The following ERC2 variants were observed in gnomAD, a reference collection of about 807,000 sequenced individuals.
ERC2 encodes ELKS/RAB6-interacting/CAST family member 2.
A neutral mutation model predicts 114.8 loss-of-function variants in ERC2; 42 were observed. That is an observed-to-expected ratio of 0.37 (90% CI 0.29 to 0.47). The LOEUF (loss-of-function observed/expected upper bound fraction) is 0.47. Among genes scored for constraint, ERC2 ranks in the 20% least tolerant of loss-of-function variants. The pLI is 0.99. For synonymous variants in ERC2, 454 were observed against 425.5 expected, an observed-to-expected ratio of 1.07 and a Z score of -0.82; for missense variants, 939 against 1,150.7, an observed-to-expected ratio of 0.82 and a Z score of 2.66.
intron 17 of ERC2, among the ~76,000 whole-genome samples, chr3:55,601,560 C>G (rs1433973828): frequency 6.6e-6 from 1 of 152,206 alleles, no homozygotes; most frequent in Non-Finnish European, 1.5e-5. Flanking sequence ...TAAAATGCCA[C>G]GAGTCCAGGA....
intron 2 of ERC2, among the ~76,000 whole-genome samples, chr3:56,344,235 A>G (rs4974135): frequency 0.92 from 140,312 of 152,306 alleles, 64,988 homozygotes; most frequent in Non-Finnish European, 0.97. Flanking sequence ...GGCAGAATGT[A>G]TAATAACCTA....
intron 17 of ERC2, among the ~76,000 whole-genome samples, chr3:55,533,481 C>T (rs1218054231): frequency 6.6e-6 from 1 of 152,246 alleles, no homozygotes; most frequent in East Asian, 1.9e-4. Context: ...ATTTAATCCA[C>T]ACTACCTCCC....
At chr3:55,722,521 T>C (rs2064634983) in intron 15 of ERC2, among the ~76,000 whole-genome samples, 1 of 152,178 alleles carries the variant, frequency 6.6e-6, no homozygotes, top group Admixed American at 6.5e-5. Context: ...ATCTTTGGTT[T>C]TTCCCATAGT....
intron 17 of ERC2, among the ~76,000 whole-genome samples, chr3:55,537,499 A>G (rs1426835284): frequency 6.6e-6 from 1 of 152,212 alleles, no homozygotes; most frequent in African/African-American, 2.4e-5. Context: ...ATCCTAGCTT[A>G]CCCATCTGTG....
intron 12 of ERC2, among the ~76,000 whole-genome samples, chr3:55,965,751 A>C (rs1200225944): frequency 6.6e-6 from 1 of 152,188 alleles, no homozygotes; most frequent in Non-Finnish European, 1.5e-5. Context: ...CCATGACAAC[A>C]CACTACAAAA....
chr3:55,711,992 C>T (rs981075594), intron 15 of ERC2, among the ~76,000 whole-genome samples: 9 of 152,220 alleles, frequency 5.9e-5, no homozygotes, highest in African/African-American at 2.2e-4. Context: ...CATGGAGTTT[C>T]TCCAAACTCT....
chr3:56,248,357 C>T (rs541737016), intron 3 of ERC2, among the ~76,000 whole-genome samples: 1 of 152,264 alleles, frequency 6.6e-6, no homozygotes, highest in South Asian at 2.1e-4. Context: ...GCCTCCCAAA[C>T]TGCTAGGATT....
intron 2 of ERC2, among the ~76,000 whole-genome samples, chr3:56,307,837 C>T (rs1036402492): frequency 1.4e-4 from 20 of 144,944 alleles, no homozygotes; most frequent in South Asian, 1.4e-3. Context: ...TGCACACACA[C>T]ACACACACAC....
intron 2 of ERC2, among the ~76,000 whole-genome samples, chr3:56,360,408 A>C (rs1318973042): frequency 6.6e-6 from 1 of 152,148 alleles, no homozygotes; most frequent in Admixed American, 6.5e-5. Flanking sequence ...ATAGAAACCG[A>C]GGTTGGCTCT....
At chr3:56,229,550 G>T (rs780881391) in intron 3 of ERC2, among the ~76,000 whole-genome samples, 2 of 152,110 alleles carry the variant, frequency 1.3e-5, no homozygotes, top group African/African-American at 4.8e-5. Context: ...AGTCTGAAGG[G>T]GTTTTAGTCT....
chr3:56,250,407 T>C (rs531057697), intron 3 of ERC2, among the ~76,000 whole-genome samples: 5 of 152,356 alleles, frequency 3.3e-5, no homozygotes, highest in Admixed American at 6.5e-5. Context: ...AGAATTTTAA[T>C]GTCCTTGGAG....
rs544856479 is a variant in ERC2 at position 56,181,713 on chromosome 3, A to C, written c.1075-8193T>G. On this transcript the variant is annotated intron_variant, in intron 3 of 17. Coordinates refer to ENST00000288221, the MANE Select transcript of ERC2 (RefSeq NM_015576.3). ...TAACAAATAGAATAAGGTGGAAGTG[A>C]CATGTTTGACTTCTGAGGCCTAGGT... Among the ~76,000 whole-genome samples the C allele has an allele frequency of 1.1e-4, 17 of 152,294 alleles. 1 individual carries two copies. In the South Asian group the frequency reaches 3.5e-3, roughly 32 times the overall value.
chr3:56,220,951 A>G (rs2049863170), intron 3 of ERC2, among the ~76,000 whole-genome samples: 1 of 152,212 alleles, frequency 6.6e-6, no homozygotes, highest in African/African-American at 2.4e-5. Flanking sequence ...ATGGGCTCCA[A>G]ATGTTTTGAT....
chr3:56,398,413 G>A (rs2060393630), intron 2 of ERC2, among the ~76,000 whole-genome samples: 1 of 152,084 alleles, frequency 6.6e-6, no homozygotes, highest in African/African-American at 2.4e-5. Flanking sequence ...AACACCCAAC[G>A]ATATTAGAAT....
At chr3:56,212,642 G>C (rs1333829670) in intron 3 of ERC2, among the ~76,000 whole-genome samples, 1 of 152,130 alleles carries the variant, frequency 6.6e-6, no homozygotes, top group Non-Finnish European at 1.5e-5. Context: ...ACATGAAAAA[G>C]ATACTTGCCA....
chr3:55,634,258 A>G (rs1040612237), intron 17 of ERC2, among the ~76,000 whole-genome samples: 2 of 152,172 alleles, frequency 1.3e-5, no homozygotes, highest in African/African-American at 4.8e-5. Context: ...TGAATATTAC[A>G]CTTTATGTAT....
chr3:55,786,358 C>G (rs1247993803), intron 14 of ERC2, among the ~76,000 whole-genome samples: 1 of 152,188 alleles, frequency 6.6e-6, no homozygotes, highest in Non-Finnish European at 1.5e-5. Flanking sequence ...GGGCCATGCC[C>G]ATTGAGCTCA....
intron 14 of ERC2, among the ~76,000 whole-genome samples, chr3:55,814,776 A>G (rs1359164888): frequency 6.6e-6 from 1 of 151,868 alleles, no homozygotes; most frequent in East Asian, 1.9e-4. Flanking sequence ...CTGACCCTCT[A>G]CTCCTTGTCA....
At chr3:56,222,262 TTC>T (rs2049961415) in intron 3 of ERC2, among the ~76,000 whole-genome samples, 1 of 152,180 alleles carries the variant, frequency 6.6e-6, no homozygotes, top group African/African-American at 2.4e-5. Context: ...AGATTATATC[TTC>T]TGTTTGTGAG....
Sources: gnomAD v4.1 joint callset for allele counts (sites outside exome capture counted in the v4.1 genomes callset) on GRCh38, gnomAD v4.1.1 for gene constraint, MANE v1.5 for transcripts, NCBI Gene and HGNC (gene_info 2026-07-23, HGNC 2026-07-21) for gene names.